The following PCDH7 variants were observed in gnomAD, a reference collection of about 807,000 sequenced individuals.
PCDH7 encodes protocadherin-7.
Under a neutral mutation model 58.9 loss-of-function variants are expected in PCDH7, and 17 were observed. The observed-to-expected ratio is 0.29, with a 90% CI of 0.20 to 0.43. The LOEUF (loss-of-function observed/expected upper bound fraction) is 0.43, where lower values mean the gene tolerates loss of function less well. Ranked by LOEUF, PCDH7 falls within the 20% of genes least tolerant of loss-of-function variation. The pLI, the probability that PCDH7 is intolerant of heterozygous loss-of-function variation, is 1.00. For synonymous variants in PCDH7, 664 were observed against 616.4 expected, an observed-to-expected ratio of 1.08 and a Z score of -1.14; for missense variants, 1,274 against 1,441.0, an observed-to-expected ratio of 0.88 and a Z score of 1.88.
chr4:30,754,188 G>GTGTGTGTTTT, intron 1 of PCDH7, among the ~76,000 whole-genome samples: 1 of 140,908 alleles, frequency 7.1e-6, no homozygotes, highest in East Asian at 2.0e-4. Flanking sequence ...GTGTGTGTGT[G>GTGTGTGTTTT]TTTTTTCTGG....
chr4:30,976,821 G>T (rs1422420279), intron 3 of PCDH7, among the ~76,000 whole-genome samples: 2 of 152,040 alleles, frequency 1.3e-5, no homozygotes, highest in Non-Finnish European at 2.9e-5. Flanking sequence ...CAAAATTCAT[G>T]GTTAAACAAG....
chr4:31,003,493 T>A (rs1482455876), intron 3 of PCDH7, among the ~76,000 whole-genome samples: 1 of 152,184 alleles, frequency 6.6e-6, no homozygotes, highest in Non-Finnish European at 1.5e-5. Flanking sequence ...TTTGGGATTT[T>A]GTTTTGGATT....
chr4:31,090,109 T>G (rs1578767994), intron 3 of PCDH7, among the ~76,000 whole-genome samples: 2 of 152,228 alleles, frequency 1.3e-5, no homozygotes, highest in South Asian at 2.1e-4. Context: ...CTATGAGAAC[T>G]GGCCTTCAGG....
At chr4:30,761,989 GA>G (rs1720089826) in intron 1 of PCDH7, among the ~76,000 whole-genome samples, 1 of 152,158 alleles carries the variant, frequency 6.6e-6, no homozygotes, top group South Asian at 2.1e-4. Flanking sequence ...TTGTATAATT[GA>G]GTGAAATTCA....
intron 1 of PCDH7, among the ~76,000 whole-genome samples, chr4:30,862,421 G>A (rs1322109436): frequency 6.6e-6 from 1 of 152,150 alleles, no homozygotes; most frequent in Non-Finnish European, 1.5e-5. Context: ...AGAACATCAT[G>A]CTGAGAACTT....
At chr4:31,021,171 T>A (rs557552248) in intron 3 of PCDH7, among the ~76,000 whole-genome samples, 2 of 152,188 alleles carry the variant, frequency 1.3e-5, no homozygotes, top group African/African-American at 2.4e-5. Flanking sequence ...GATTAAGTCA[T>A]GGGATAAGGG....
intron 3 of PCDH7, among the ~76,000 whole-genome samples, chr4:30,970,929 C>CA (rs1749532311): frequency 6.6e-6 from 1 of 152,160 alleles, no homozygotes; most frequent in Non-Finnish European, 1.5e-5. Context: ...AGTTCATACA[C>CA]AAATGACACT....
chr4:31,087,775 C>A (rs1015554615), intron 3 of PCDH7, among the ~76,000 whole-genome samples: 1 of 151,990 alleles, frequency 6.6e-6, no homozygotes, highest in African/African-American at 2.4e-5. Flanking sequence ...TACATTAAAA[C>A]ATTTTATTTT....
intron 1 of PCDH7, among the ~76,000 whole-genome samples, chr4:30,907,477 T>TCAG (rs1474591217): frequency 6.6e-6 from 1 of 152,176 alleles, no homozygotes; most frequent in Non-Finnish European, 1.5e-5. Flanking sequence ...AGACATTTAC[T>TCAG]CAGCCAATGT....
At chr4:30,932,543 A>T (rs1481780493) in intron 2 of PCDH7, among the ~76,000 whole-genome samples, 1 of 152,248 alleles carries the variant, frequency 6.6e-6, no homozygotes, top group African/African-American at 2.4e-5. Context: ...AATAATTTCC[A>T]AGTAAAAAAT....
At chr4:30,757,065 C>T (rs1440746801) in intron 1 of PCDH7, among the ~76,000 whole-genome samples, 2 of 152,184 alleles carry the variant, frequency 1.3e-5, no homozygotes, top group East Asian at 3.9e-4. Flanking sequence ...TTCAATGTCA[C>T]ATTCCCAAAG....
At chr4:30,881,428 G>T (rs1432777809) in intron 1 of PCDH7, among the ~76,000 whole-genome samples, 1 of 152,058 alleles carries the variant, frequency 6.6e-6, no homozygotes, top group Non-Finnish European at 1.5e-5. Flanking sequence ...TCAAAGTCAA[G>T]AACAACTGCT....
At chr4:30,819,413 A>T (rs6837246) in intron 1 of PCDH7, among the ~76,000 whole-genome samples, 16,710 of 152,088 alleles carry the variant, frequency 0.11, 1,223 homozygotes, top group Non-Finnish European at 0.16. Flanking sequence ...ACACTTTTTC[A>T]TTCTCTTGGG....
At chr4:30,787,399 G>A (rs1477492524) in intron 1 of PCDH7, among the ~76,000 whole-genome samples, 2 of 152,000 alleles carry the variant, frequency 1.3e-5, no homozygotes, top group Admixed American at 6.6e-5. Flanking sequence ...TGCCAATCAG[G>A]GAAAGTGAGA....
intron 3 of PCDH7, among the ~76,000 whole-genome samples, chr4:31,133,714 G>A (rs1296907043): frequency 1.3e-5 from 2 of 152,160 alleles, no homozygotes; most frequent in Non-Finnish European, 2.9e-5. Context: ...ACATTTTTCT[G>A]CTGTAGTGCA....
At chr4:30,922,098 G>A (rs948021924) in intron 2 of PCDH7, among the ~76,000 whole-genome samples, 4 of 151,332 alleles carry the variant, frequency 2.6e-5, no homozygotes, top group South Asian at 4.1e-4. Context: ...AGTGTATTAC[G>A]TTACATATGT....
At chr4:30,748,595 C>T (rs891256385) in intron 1 of PCDH7, among the ~76,000 whole-genome samples, 2 of 152,172 alleles carry the variant, frequency 1.3e-5, no homozygotes, top group Non-Finnish European at 2.9e-5. Flanking sequence ...ATATCCTTAT[C>T]ACCTAATCAC....
rs531900141 is a variant in PCDH7, at chr4:31,030,122, C to T, written c.*7+79907C>T. ...GACAGGACAGCCTTTGTGTGGGTTG[C>T]GTGTGTATGTTTGTGTGTGTGCATG... On this transcript the variant is annotated intron_variant, in intron 3 of 3. Coordinates refer to the PCDH7 transcript ENST00000509759. 2.4e-4 allele frequency among the ~76,000 whole-genome samples: 25 copies of T among 102,538 alleles called. No homozygotes were observed. The East Asian group carries it at 4.9e-3, about 20-fold the overall frequency. The allele number at this position is 102,538 out of a possible 152,430, so 67.3% of individuals were successfully genotyped here. A position where few individuals can be genotyped will look rare whatever the true frequency, so the allele number is the denominator to read the frequency against.
intron 3 of PCDH7, among the ~76,000 whole-genome samples, chr4:31,135,414 AAGT>A (rs1451221907): frequency 5.3e-5 from 8 of 152,184 alleles, no homozygotes; most frequent in Admixed American, 2.0e-4. Flanking sequence ...CCTAATAGAA[AAGT>A]AGTAGGAGGA....
Sources: allele counts gnomAD v4.1 joint callset (sites outside exome capture counted in the v4.1 genomes callset), GRCh38; gene constraint gnomAD v4.1.1; transcripts MANE v1.5; gene names NCBI Gene and HGNC (gene_info 2026-07-23, HGNC 2026-07-21).